PLPP4: variants seen among roughly 807,000 people sequenced by gnomAD.
PLPP4 encodes the protein phospholipid phosphatase 4, also known as diacylglycerol pyrophosphate like 2.
PLPP4 carries 20 observed loss-of-function variants against 32.2 expected under a neutral mutation model. The observed-to-expected ratio is 0.62, with a 90% CI of 0.44 to 0.90. PLPP4 has a LOEUF of 0.90. Ranked by LOEUF, PLPP4 falls within the 40% of genes least tolerant of loss-of-function variation. The pLI, the probability that PLPP4 is intolerant of heterozygous loss-of-function variation, is 0.00. For missense variants in PLPP4, 257 were observed against 353.1 expected, an observed-to-expected ratio of 0.73 and a Z score of 2.18; for synonymous variants, 127 against 133.0, an observed-to-expected ratio of 0.95 and a Z score of 0.31.
At chr10:120,528,830 T>G (rs1048411163) in intron 5 of PLPP4, among the ~76,000 whole-genome samples, 1 of 152,172 alleles carries the variant, frequency 6.6e-6, no homozygotes, top group African/African-American at 2.4e-5. Context: ...CCATGGAGCC[T>G]TTTTAGATTT....
intron 5 of PLPP4, among the ~76,000 whole-genome samples, chr10:120,545,909 A>G (rs1399525030): frequency 1.3e-5 from 2 of 152,192 alleles, no homozygotes; most frequent in South Asian, 4.1e-4. Context: ...CGCGGCTAGA[A>G]TAAAGCAGGC....
chr10:120,530,606 G>T (rs866442415), intron 5 of PLPP4, among the ~76,000 whole-genome samples: 5 of 152,300 alleles, frequency 3.3e-5, no homozygotes, highest in South Asian at 2.1e-4. Flanking sequence ...GAATAAAGCT[G>T]CCCTGAACAT....
At chr10:120,493,901 G>A (rs1470389196) in intron 1 of PLPP4, among the ~76,000 whole-genome samples, 3 of 152,158 alleles carry the variant, frequency 2.0e-5, no homozygotes. Flanking sequence ...GAACAGCCAG[G>A]GACTATGGGA....
At chr10:120,503,952 T>C (rs1158522936) in intron 2 of PLPP4, 26 bp downstream of exon 2, 2 of 1,445,364 alleles carry the variant, frequency 1.4e-6, no homozygotes, top group East Asian at 2.3e-5. Flanking sequence ...TCATTCCTTA[T>C]TTGACTGCTC....
chr10:120,496,072 T>C (rs1670835381), intron 1 of PLPP4, among the ~76,000 whole-genome samples: 1 of 152,210 alleles, frequency 6.6e-6, no homozygotes, highest in African/African-American at 2.4e-5. Flanking sequence ...TATTTCAGTA[T>C]AATCTTTTGT....
At chr10:120,574,184 TC>T (rs1849097235) in intron 5 of PLPP4, among the ~76,000 whole-genome samples, 1 of 111,630 alleles carries the variant, frequency 9.0e-6, no homozygotes, top group Non-Finnish European at 1.7e-5. Flanking sequence ...TCTCTCTCTC[TC>T]TCTCTCTCTC....
chr10:120,471,377 C>T (rs1589720550), intron 1 of PLPP4, among the ~76,000 whole-genome samples: 1 of 151,458 alleles, frequency 6.6e-6, no homozygotes, highest in East Asian at 1.9e-4. Context: ...TCTTTGCTAC[C>T]CTTCTTTTTT....
chr10:120,526,485 C>A (rs1306600678), intron 5 of PLPP4, among the ~76,000 whole-genome samples: 1 of 152,118 alleles, frequency 6.6e-6, no homozygotes, highest in Non-Finnish European at 1.5e-5. Context: ...TACTTTGAGG[C>A]TGTTTGATTC....
At chr10:120,586,383 G>A (rs2420791) in intron 6 of PLPP4, among the ~76,000 whole-genome samples, 46,822 of 150,826 alleles carry the variant, frequency 0.31, 7,351 homozygotes, top group African/African-American at 0.33. Flanking sequence ...AGCTCAGTCA[G>A]TTCGCCCTCC....
At chr10:120,580,272 G>A (rs1456550765) in intron 6 of PLPP4, among the ~76,000 whole-genome samples, 3 of 152,110 alleles carry the variant, frequency 2.0e-5, no homozygotes, top group African/African-American at 7.2e-5. Flanking sequence ...GGAATAATCG[G>A]ATCTTTTTCT....
chr10:120,458,842 C>T (rs930040653), intron 1 of PLPP4, among the ~76,000 whole-genome samples: 1 of 152,156 alleles, frequency 6.6e-6, no homozygotes, highest in Non-Finnish European at 1.5e-5. Context: ...GCTAAAACCT[C>T]ATTAAATTAT....
intron 1 of PLPP4, among the ~76,000 whole-genome samples, chr10:120,495,866 G>A (rs567540824): frequency 4.6e-5 from 7 of 152,284 alleles, no homozygotes; most frequent in African/African-American, 1.4e-4. Context: ...GGCCTTCAGT[G>A]CCCCAGGTGC....
intron 3 of PLPP4, 80 bp downstream of exon 3, chr10:120,514,081 C>A (rs1020642615): frequency 3.5e-5 from 38 of 1,070,716 alleles, no homozygotes; most frequent in Non-Finnish European, 5.1e-5. Context: ...CTCAGTTACA[C>A]CCAACTGATT....
intron 5 of PLPP4, among the ~76,000 whole-genome samples, chr10:120,574,160 ACACACACACTCTCTCT>A (rs1849079550): frequency 5.9e-5 from 7 of 117,714 alleles, no homozygotes; most frequent in East Asian, 5.4e-4. Context: ...ACACACACAC[ACACACACACTCTCTCT>A]CTCTCTCTCT....
chr10:120,528,612 A>C (rs1033503254), intron 5 of PLPP4, among the ~76,000 whole-genome samples: 5 of 152,038 alleles, frequency 3.3e-5, no homozygotes, highest in African/African-American at 4.8e-5. Flanking sequence ...TCAAGCTTCC[A>C]AGACAATTGC....
chr10:120,534,539 C>T (rs774472371), intron 5 of PLPP4, among the ~76,000 whole-genome samples: 5 of 151,014 alleles, frequency 3.3e-5, no homozygotes, highest in Admixed American at 6.6e-5. Context: ...TTTTCTGCTC[C>T]CCCTCCTCTC....
intron 5 of PLPP4, among the ~76,000 whole-genome samples, chr10:120,544,773 A>G (rs1024733153): frequency 1.3e-5 from 2 of 152,246 alleles, no homozygotes. Flanking sequence ...AAGAAACCAG[A>G]AAACCTAGGG....
chr10:120,542,614 G>A (rs1847400061), intron 5 of PLPP4, among the ~76,000 whole-genome samples: 1 of 152,178 alleles, frequency 6.6e-6, no homozygotes, highest in Non-Finnish European at 1.5e-5. Context: ...GCTATTAGAA[G>A]ACTTTTGCCC....
At chr10:120,557,680 G>A (rs1007685655) in intron 5 of PLPP4, among the ~76,000 whole-genome samples, 9 of 152,198 alleles carry the variant, frequency 5.9e-5, no homozygotes, top group Non-Finnish European at 1.5e-5. Flanking sequence ...GGTCATTAGT[G>A]TGTTGCTGCA....
Sources: allele counts gnomAD v4.1 joint callset (sites outside exome capture counted in the v4.1 genomes callset), GRCh38; gene constraint gnomAD v4.1.1; transcripts MANE v1.5; gene names NCBI Gene and HGNC (gene_info 2026-07-23, HGNC 2026-07-21).